The following ARPC1A variants were observed in gnomAD, a reference collection of about 807,000 sequenced individuals.
ARPC1A encodes the protein actin related protein 2/3 complex subunit 1A.
ARPC1A carries 8 observed loss-of-function variants against 46.9 expected under a neutral mutation model. The ratio of observed to expected loss-of-function variants is 0.17; its 90% CI spans 0.10 to 0.31. ARPC1A has a LOEUF of 0.31. Among genes scored for constraint, ARPC1A ranks in the 10% least tolerant of loss-of-function variants. ARPC1A has a pLI of 1.00. For missense variants in ARPC1A, 286 were observed against 483.6 expected (o/e 0.59, Z 3.83); for synonymous variants, 152 against 169.0 (o/e 0.90, Z 0.78).
rs554034955 is a variant in ARPC1A, at chr7:99,334,637, G to A, written c.64+1220G>A. Among the ~76,000 whole-genome samples, 6 of 152,102 alleles carry A rather than the reference G, an allele frequency of 3.9e-5. No individual in the cohort carries two copies. The East Asian group carries it at 1.2e-3, about 29-fold the overall frequency. The stretch of plus-strand genomic sequence containing the variant: ...CTGTAAGATAGGGTTCCTTTTGTAT[G>A]TAGATATCCAGTTTTCATTTTTTTC... On this transcript the variant is annotated intron_variant, in intron 2 of 9. Coordinates refer to ENST00000262942, the MANE Select transcript of ARPC1A (RefSeq NM_006409.4).
chr7:99,357,922 C>G (rs1319521801), intron 6 of ARPC1A, among the ~76,000 whole-genome samples: 1 of 152,158 alleles, frequency 6.6e-6, no homozygotes, highest in Non-Finnish European at 1.5e-5. Context: ...TGAGCACAGG[C>G]AAGGAGAAGG....
chr7:99,329,202 G>A (rs1356863003), intron 1 of ARPC1A, among the ~76,000 whole-genome samples: 1 of 151,764 alleles, frequency 6.6e-6, no homozygotes, highest in Non-Finnish European at 1.5e-5. Flanking sequence ...TCGGGAGGCT[G>A]AGGCAGGAGA....
intron 1 of ARPC1A, among the ~76,000 whole-genome samples, chr7:99,331,578 A>T (rs183468224): frequency 4.3e-4 from 65 of 152,292 alleles, no homozygotes; most frequent in Non-Finnish European, 7.4e-4. Flanking sequence ...TTTAAATTGT[A>T]ATTTTCCCTG....
rs1793522287 is a variant in ARPC1A at position 99,350,021 on chromosome 7, C to G, written c.500+1062C>G. ...GTAAGACTCCATCTCAAAAAACAAA[C>G]AAAAACAAAACAAAAAAATGGAAGC... On this transcript the variant is annotated intron_variant, in intron 5 of 9. Transcript: ENST00000262942. 2.6e-5 allele frequency among the ~76,000 whole-genome samples: 4 copies of G among 151,886 alleles called. No homozygotes were observed. The South Asian group carries it at 8.3e-4, about 32-fold the overall frequency.
At chr7:99,363,431 TAAAGAAG>T in intron 8 of ARPC1A, 105 bp from the exon 9 acceptor site, 1 of 805,508 alleles carries the variant, frequency 1.2e-6, no homozygotes, top group Non-Finnish European at 2.0e-6. Context: ...ATTTAAAAAA[TAAAGAAG>T]AAGATAATTC....
At chr7:99,340,479 C>G (rs1475194990) in intron 3 of ARPC1A, among the ~76,000 whole-genome samples, 1 of 151,134 alleles carries the variant, frequency 6.6e-6, no homozygotes, top group African/African-American at 2.4e-5. Context: ...GGTCTTGGCT[C>G]TGTTGCCCAG....
At chr7:99,336,312 A>G (rs1011755451) in intron 2 of ARPC1A, among the ~76,000 whole-genome samples, 3 of 152,000 alleles carry the variant, frequency 2.0e-5, no homozygotes, top group Admixed American at 2.0e-4. Flanking sequence ...ATATATAACT[A>G]TTTACCAGAA....
At chr7:99,331,787 T>A (rs1030188173) in intron 1 of ARPC1A, among the ~76,000 whole-genome samples, 1 of 152,014 alleles carries the variant, frequency 6.6e-6, no homozygotes. Flanking sequence ...GGCCTGGTGG[T>A]GCACACTTGT....
intron 6 of ARPC1A, among the ~76,000 whole-genome samples, chr7:99,357,037 T>C (rs1315388456): frequency 6.6e-6 from 1 of 152,246 alleles, no homozygotes; most frequent in Non-Finnish European, 1.5e-5. Context: ...CATTTTTATA[T>C]ACATTTGGTA....
At chr7:99,328,142 G>A (rs571656627) in intron 1 of ARPC1A, among the ~76,000 whole-genome samples, 42 of 152,252 alleles carry the variant, frequency 2.8e-4, no homozygotes, top group African/African-American at 9.1e-4. Flanking sequence ...AGGCTGAGGC[G>A]GGTGGATCAC....
chr7:99,334,851 T>TA (rs1366746343), intron 2 of ARPC1A, among the ~76,000 whole-genome samples: 2 of 126,234 alleles, frequency 1.6e-5, no homozygotes, highest in African/African-American at 8.4e-5. Flanking sequence ...CTGGCTAATA[T>TA]TTTTTTTTTT....
At chr7:99,334,525 C>T (rs1793206366) in intron 2 of ARPC1A, among the ~76,000 whole-genome samples, 1 of 152,136 alleles carries the variant, frequency 6.6e-6, no homozygotes, top group African/African-American at 2.4e-5. Context: ...CAATGTGTGC[C>T]TATGCCTGTG....
chr7:99,362,594 G>A (rs574117142), intron 8 of ARPC1A, among the ~76,000 whole-genome samples: 17 of 149,192 alleles, frequency 1.1e-4, no homozygotes, highest in South Asian at 4.3e-4. Context: ...TGCCCACCTC[G>A]GCCTCCCAGA....
intron 2 of ARPC1A, among the ~76,000 whole-genome samples, chr7:99,336,713 C>T (rs1053073393): frequency 6.6e-6 from 1 of 151,958 alleles, no homozygotes; most frequent in Non-Finnish European, 1.5e-5. Flanking sequence ...AGGCTGGTCT[C>T]GAACTCCTGA....
chr7:99,351,679 C>G (rs1218664479), intron 5 of ARPC1A, among the ~76,000 whole-genome samples: 1 of 152,226 alleles, frequency 6.6e-6, no homozygotes, highest in Non-Finnish European at 1.5e-5. Context: ...ACATAACTCA[C>G]AGTCCTCTGC....
At chr7:99,344,074 A>G (rs889641684) in intron 3 of ARPC1A, among the ~76,000 whole-genome samples, 1 of 152,246 alleles carries the variant, frequency 6.6e-6, no homozygotes, top group Non-Finnish European at 1.5e-5. Flanking sequence ...GCTCTTCTAC[A>G]TGACCTCATA....
intron 8 of ARPC1A, 183 bp downstream of exon 8, chr7:99,359,921 G>A: frequency 2.8e-6 from 2 of 708,866 alleles, no homozygotes; most frequent in East Asian, 2.7e-5. Context: ...TCGTGGTAGG[G>A]AGGGAGTCGC....
At chr7:99,332,604 A>G (rs937071455) in intron 1 of ARPC1A, among the ~76,000 whole-genome samples, 2 of 141,862 alleles carry the variant, frequency 1.4e-5, no homozygotes, top group African/African-American at 5.2e-5. Context: ...AATGAGATAG[A>G]TTTTTTTTTT....
intron 3 of ARPC1A, among the ~76,000 whole-genome samples, chr7:99,344,047 T>C (rs1562798928): frequency 1.3e-5 from 2 of 152,214 alleles, no homozygotes; most frequent in Admixed American, 1.3e-4. Context: ...TTTTGTAAAG[T>C]CTGTAATTAT....
Sources: allele counts gnomAD v4.1 joint callset (sites outside exome capture counted in the v4.1 genomes callset), GRCh38; gene constraint gnomAD v4.1.1; transcripts MANE v1.5; gene names NCBI Gene and HGNC (gene_info 2026-07-23, HGNC 2026-07-21).